Variants in NRXN1 observed in about 807,000 individuals in gnomAD.
The protein encoded by NRXN1 is neurexin-1.
A neutral mutation model predicts 150.9 loss-of-function variants in NRXN1; 39 were observed. The observed-to-expected ratio is 0.26, with a 90% CI of 0.20 to 0.34. NRXN1 has a LOEUF of 0.34. NRXN1 is among the 10% of genes least tolerant of loss of function. The probability of loss-of-function intolerance (pLI) is 1.00; values close to 1 mark genes in which losing one functional copy is unlikely to be tolerated. For synonymous variants in NRXN1, 924 were observed against 757.0 expected, an observed-to-expected ratio of 1.22 and a Z score of -3.62; for missense variants, 1,815 against 1,949.9, an observed-to-expected ratio of 0.93 and a Z score of 1.30.
At chr2:50,305,850 T>G (rs941238357) in intron 17 of NRXN1, among the ~76,000 whole-genome samples, 5 of 152,234 alleles carry the variant, frequency 3.3e-5, no homozygotes, top group South Asian at 2.1e-4. Flanking sequence ...AGCTATCCCT[T>G]CTTTTCCCTG....
chr2:50,926,439 G>T (rs1039372613), intron 2 of NRXN1, among the ~76,000 whole-genome samples: 9 of 151,794 alleles, frequency 5.9e-5, no homozygotes, highest in Admixed American at 1.3e-4. Flanking sequence ...TGCCATTACT[G>T]CCTTTTAGTA....
chr2:50,802,496 G>A lies in NRXN1; in HGVS notation c.832+119373C>T, dbSNP rs576961309. Among the ~76,000 whole-genome samples, 6 of 114,944 alleles carry A rather than the reference G, an allele frequency of 5.2e-5. No individual in the cohort carries two copies. In the East Asian group the frequency reaches 1.6e-3, roughly 30 times the overall value. The allele number at this position is 114,944 out of a possible 152,430, so 75.4% of individuals were successfully genotyped here. On this transcript the variant is annotated intron_variant, in intron 5 of 22. Transcript: ENST00000401669. Reference sequence around the variant, plus strand: ...AACAAGAGTGAATCTCTGAGAAAGAGAAATGGAAGGAAGGAAGGAAGGAAG... The same window carrying A: ...AACAAGAGTGAATCTCTGAGAAAGAAAAATGGAAGGAAGGAAGGAAGGAAG...
chr2:50,831,607 T>G (rs10167695), intron 5 of NRXN1, among the ~76,000 whole-genome samples: 1 of 152,028 alleles, frequency 6.6e-6, no homozygotes, highest in African/African-American at 2.4e-5. Context: ...TGTTAAGATA[T>G]GTACACATTT....
At chr2:50,601,882 C>A (rs897468067) in intron 8 of NRXN1, among the ~76,000 whole-genome samples, 1 of 152,066 alleles carries the variant, frequency 6.6e-6, no homozygotes, top group Admixed American at 6.6e-5. Flanking sequence ...AGACACAAAC[C>A]GGTGTTATCA....
At chr2:50,166,283 G>A (rs2059678454) in intron 18 of NRXN1, among the ~76,000 whole-genome samples, 2 of 57,446 alleles carry the variant, frequency 3.5e-5, no homozygotes, top group Non-Finnish European at 3.4e-5. Flanking sequence ...CAACGTATGT[G>A]TGTGTGTGTG....
intron 18 of NRXN1, among the ~76,000 whole-genome samples, chr2:50,164,146 T>C (rs910637807): frequency 3.3e-5 from 5 of 152,230 alleles, no homozygotes; most frequent in Admixed American, 1.3e-4. Flanking sequence ...TTTAATTACA[T>C]TGACATTTAT....
chr2:50,085,325 T>C (rs546145777), intron 19 of NRXN1, among the ~76,000 whole-genome samples: 1 of 152,336 alleles, frequency 6.6e-6, no homozygotes, highest in Non-Finnish European at 1.5e-5. Flanking sequence ...TTTGTTAGAC[T>C]CTACTCAAAA....
intron 9 of NRXN1, among the ~76,000 whole-genome samples, chr2:50,540,810 C>T (rs1051115099): frequency 2.6e-4 from 40 of 152,022 alleles, no homozygotes; most frequent in African/African-American, 8.0e-4. Flanking sequence ...TACAGGTGTA[C>T]GCCATCACAG....
At chr2:49,976,930 C>A (rs1369050473) in intron 21 of NRXN1, among the ~76,000 whole-genome samples, 1 of 152,166 alleles carries the variant, frequency 6.6e-6, no homozygotes, top group East Asian at 1.9e-4. Context: ...AAAAAGTGGC[C>A]AAGCTAAACT....
rs377074378 is a variant in NRXN1, at chr2:50,394,949, G to T, written c.3364+70493C>A. ...ATCCTCTTCACCAAGACAGTCACAT[G>T]ACTACTTTTCTTATTTCATTCTAGG... On this transcript the variant is annotated intron_variant, in intron 17 of 22. Transcript: ENST00000401669. Among the ~76,000 whole-genome samples, 33 of 151,910 alleles carry T rather than the reference G, an allele frequency of 2.2e-4. No homozygotes were observed. The East Asian group carries it at 6.1e-3, about 28-fold the overall frequency.
chr2:50,860,378 G>T (rs565564744), intron 5 of NRXN1, among the ~76,000 whole-genome samples: 1 of 152,122 alleles, frequency 6.6e-6, no homozygotes, highest in East Asian at 1.9e-4. Context: ...AGAAATCAGA[G>T]ATTATATATG....
At chr2:50,474,839 C>CCCCCAAAA (rs1558795095) in intron 15 of NRXN1, among the ~76,000 whole-genome samples, 6 of 108,838 alleles carry the variant, frequency 5.5e-5, no homozygotes, top group Non-Finnish European at 5.5e-5. Flanking sequence ...GCCCCCCTAC[C>CCCCCAAAA]AAAAAAAAAA....
intron 5 of NRXN1, among the ~76,000 whole-genome samples, chr2:50,688,345 G>A (rs1336961366): frequency 1.3e-5 from 2 of 152,026 alleles, no homozygotes; most frequent in Admixed American, 6.6e-5. Context: ...GCTTTTATTC[G>A]AATGACTTAA....
Position 50,413,597 on chromosome 2 carries a change from T to G in NRXN1, c.3364+51845A>C, listed in dbSNP as rs564292041. Among the ~76,000 whole-genome samples, 15 of 152,270 alleles carry G rather than the reference T, an allele frequency of 9.9e-5. No individual in the cohort carries two copies. In the South Asian group the frequency reaches 2.9e-3, roughly 29 times the overall value. The stretch of plus-strand genomic sequence containing the variant: ...CACAGTTGGTGGGAATGTAAATTAG[T>G]ACAACCACTATAGAGAACAGTTTGG... On this transcript the variant is annotated intron_variant, in intron 17 of 22. Coordinates refer to ENST00000401669, the MANE Select transcript of NRXN1 (RefSeq NM_001330078.2).
intron 5 of NRXN1, among the ~76,000 whole-genome samples, chr2:50,653,504 T>G (rs888595413): frequency 6.6e-6 from 1 of 152,056 alleles, no homozygotes; most frequent in African/African-American, 2.4e-5. Flanking sequence ...CCAACTTAGG[T>G]TACAATTCAC....
chr2:50,247,350 A>C (rs1350842156), intron 17 of NRXN1, among the ~76,000 whole-genome samples: 2 of 152,210 alleles, frequency 1.3e-5, no homozygotes, highest in Admixed American at 1.3e-4. Flanking sequence ...TTTTACAGGG[A>C]AAAGCTGGAT....
chr2:50,459,578 C>T (rs921670472), intron 17 of NRXN1, among the ~76,000 whole-genome samples: 5 of 152,066 alleles, frequency 3.3e-5, no homozygotes, highest in Admixed American at 2.6e-4. Context: ...TTTTCTGTTC[C>T]TGCATTCATT....
intron 5 of NRXN1, among the ~76,000 whole-genome samples, chr2:50,826,313 G>C (rs1029697592): frequency 1.3e-5 from 2 of 152,094 alleles, no homozygotes; most frequent in African/African-American, 4.8e-5. Context: ...AAGTATGAAA[G>C]CCCCAACTAG....
chr2:50,391,380 T>A (rs2081682397), intron 17 of NRXN1, among the ~76,000 whole-genome samples: 1 of 152,038 alleles, frequency 6.6e-6, no homozygotes, highest in Non-Finnish European at 1.5e-5. Flanking sequence ...AGAATAGCAA[T>A]ATCATAAGTT....
Sources: gnomAD v4.1 joint callset for allele counts (sites outside exome capture counted in the v4.1 genomes callset) on GRCh38, gnomAD v4.1.1 for gene constraint, MANE v1.5 for transcripts, NCBI Gene and HGNC (gene_info 2026-07-23, HGNC 2026-07-21) for gene names.